COBL: variants seen among roughly 807,000 people sequenced by gnomAD.
COBL encodes cordon-bleu WH2 repeat protein, also known as protein cordon-bleu.
COBL carries 51 observed loss-of-function variants against 98.8 expected under a neutral mutation model. The ratio of observed to expected loss-of-function variants is 0.52; its 90% confidence interval spans 0.41 to 0.65. The LOEUF is 0.65. Ranked by LOEUF, COBL falls within the 30% of genes least tolerant of loss-of-function variation. The pLI is 0.00. For synonymous variants in COBL, 634 were observed against 651.7 expected (o/e 0.97, Z 0.41); for missense variants, 1,617 against 1,617.5 (o/e 1.00, Z 0.01).
At chr7:51,034,714 T>C (rs1266178374) in intron 8 of COBL, 2 of 152,216 alleles carry the variant, frequency 1.3e-5, no homozygotes, top group African/African-American at 4.8e-5. Flanking sequence ...CCTGAAGAGT[T>C]AGCAGTCAGC....
At chr7:51,250,183 C>G (rs1796611608) in intron 1 of COBL, among the ~76,000 whole-genome samples, 1 of 152,130 alleles carries the variant, frequency 6.6e-6, no homozygotes, top group African/African-American at 2.4e-5. Context: ...GTAATCACAG[C>G]TCTGCCCTCT....
At chr7:51,251,738 A>G (rs1379786418) in intron 1 of COBL, among the ~76,000 whole-genome samples, 1 of 152,206 alleles carries the variant, frequency 6.6e-6, no homozygotes, top group Non-Finnish European at 1.5e-5. Context: ...CAGATTGAAC[A>G]CACAGTGATG....
intron 6 of COBL, among the ~76,000 whole-genome samples, chr7:51,133,893 A>G (rs1798982059): frequency 6.6e-6 from 1 of 152,232 alleles, no homozygotes. Context: ...GATGGCTAAT[A>G]TTATCCCACC....
At chr7:51,054,262 C>T (rs1790511841) in intron 7 of COBL, among the ~76,000 whole-genome samples, 1 of 151,728 alleles carries the variant, frequency 6.6e-6, no homozygotes, top group South Asian at 2.1e-4. Context: ...ACATAAATTA[C>T]AAACTTCTTT....
chr7:51,118,260 T>C (rs1279815864), intron 6 of COBL, among the ~76,000 whole-genome samples: 3 of 152,116 alleles, frequency 2.0e-5, no homozygotes, highest in African/African-American at 4.8e-5. Context: ...ACACATTTGT[T>C]ATCTCAGTTT....
chr7:51,066,803 GGCA>G (rs1791977376), intron 7 of COBL, among the ~76,000 whole-genome samples: 1 of 152,176 alleles, frequency 6.6e-6, no homozygotes, highest in Non-Finnish European at 1.5e-5. Flanking sequence ...CCTCCTTCAT[GGCA>G]AGGTGCCTCC....
At chr7:51,274,440 C>T (rs1001541793) in intron 1 of COBL, among the ~76,000 whole-genome samples, 1 of 152,244 alleles carries the variant, frequency 6.6e-6, no homozygotes, top group Non-Finnish European at 1.5e-5. Flanking sequence ...CTCCTGACTG[C>T]ATTCCACTTC....
At chr7:51,188,219 G>T (rs879770389) in intron 4 of COBL, among the ~76,000 whole-genome samples, 8 of 152,242 alleles carry the variant, frequency 5.3e-5, no homozygotes, top group Non-Finnish European at 1.2e-4. Flanking sequence ...TTCCAGGGGA[G>T]GGCAGGCCTC....
intron 8 of COBL, among the ~76,000 whole-genome samples, chr7:51,040,568 TGATA>T (rs1299876320): frequency 6.6e-6 from 1 of 152,346 alleles, no homozygotes; most frequent in African/African-American, 2.4e-5. Context: ...ATGACAACTC[TGATA>T]GATAGGTGGC....
chr7:51,107,576 C>T (rs1320980212), intron 6 of COBL, among the ~76,000 whole-genome samples: 1 of 152,122 alleles, frequency 6.6e-6, no homozygotes. Context: ...CGTTTATAAT[C>T]TTTTTACTTT....
rs142609623 is a variant in COBL at position 51,304,475 on chromosome 7, C to T, written c.41+12118G>A. The stretch of plus-strand genomic sequence containing the variant: ...TATGATTTGTATTGTATTTCTAGTG[C>T]TATTTTTCTGTTCTAAACCAACAGA... On this transcript the variant is annotated intron_variant, in intron 1 of 12. Transcript: ENST00000265136. Among the ~76,000 whole-genome samples, 48 of 152,322 alleles carry T rather than the reference C, an allele frequency of 3.2e-4. No homozygotes were observed. The East Asian group carries it at 7.7e-3, about 24-fold the overall frequency.
intron 1 of COBL, among the ~76,000 whole-genome samples, chr7:51,310,891 C>T (rs180693483): frequency 5.9e-5 from 9 of 151,812 alleles, no homozygotes; most frequent in Non-Finnish European, 1.0e-4. Context: ...CTCTTGACCT[C>T]GTGATCAACC....
chr7:51,146,640 G>C (rs1785057565), intron 5 of COBL, among the ~76,000 whole-genome samples: 1 of 141,414 alleles, frequency 7.1e-6, no homozygotes, highest in African/African-American at 2.6e-5. Context: ...GGAGCTGCTA[G>C]TGCAGGAATG....
chr7:51,262,203 G>A (rs1227415977), intron 1 of COBL, among the ~76,000 whole-genome samples: 1 of 152,214 alleles, frequency 6.6e-6, no homozygotes, highest in African/African-American at 2.4e-5. Context: ...AGCCCCAGGA[G>A]GCCACATCCT....
At chr7:51,101,394 C>T (rs1795790806) in intron 6 of COBL, among the ~76,000 whole-genome samples, 1 of 152,084 alleles carries the variant, frequency 6.6e-6, no homozygotes, top group Non-Finnish European at 1.5e-5. Context: ...CTCAAATCCC[C>T]CCAAAGGGAG....
At chr7:51,271,943 C>T (rs1584368452) in intron 1 of COBL, among the ~76,000 whole-genome samples, 1 of 152,248 alleles carries the variant, frequency 6.6e-6, no homozygotes, top group South Asian at 2.1e-4. Flanking sequence ...GCAGGAGAAT[C>T]GCTTGAACCC....
chr7:51,269,149 C>A (rs1798514146), intron 1 of COBL, among the ~76,000 whole-genome samples: 1 of 152,052 alleles, frequency 6.6e-6, no homozygotes. Flanking sequence ...CTTCTGTGTC[C>A]AAATTGCAGC....
At chr7:51,125,521 C>G (rs996175023) in intron 6 of COBL, among the ~76,000 whole-genome samples, 2 of 152,226 alleles carry the variant, frequency 1.3e-5, no homozygotes, top group African/African-American at 4.8e-5. Context: ...AAAATTCAAA[C>G]TATGATCTAC....
At chr7:51,294,329 T>TAAATAAAA (rs963934946) in intron 1 of COBL, among the ~76,000 whole-genome samples, 1 of 111,520 alleles carries the variant, frequency 9.0e-6, no homozygotes, top group African/African-American at 3.1e-5. Flanking sequence ...AATAAATAAA[T>TAAATAAAA]AAAAATAAAT....
Sources: allele counts gnomAD v4.1 joint callset (sites outside exome capture counted in the v4.1 genomes callset), GRCh38; gene constraint gnomAD v4.1.1; transcripts MANE v1.5; gene names NCBI Gene and HGNC (gene_info 2026-07-23, HGNC 2026-07-21).